The following ATP13A5 variants were observed in gnomAD, a reference collection of about 807,000 sequenced individuals.
The protein encoded by ATP13A5 is ATPase 13A5.
Under a neutral mutation model 150.2 loss-of-function variants are expected in ATP13A5, and 149 were observed. The ratio of observed to expected loss-of-function variants is 0.99; its 90% CI spans 0.87 to 1.14. The LOEUF (loss-of-function observed/expected upper bound fraction) is 1.14. Ranked by LOEUF, ATP13A5 falls within the 50% of genes most tolerant of loss-of-function variation. The probability of loss-of-function intolerance (pLI) is 0.00; values close to 1 mark genes in which losing one functional copy is unlikely to be tolerated. For synonymous variants in ATP13A5, 497 were observed against 522.2 expected (o/e 0.95, Z 0.66); for missense variants, 1,383 against 1,449.3 (o/e 0.95, Z 0.74).
At chr3:193,333,271 A>C (rs915909321) in intron 11 of ATP13A5, among the ~76,000 whole-genome samples, 14 of 151,772 alleles carry the variant, frequency 9.2e-5, no homozygotes, top group African/African-American at 3.4e-4. Context: ...TTTTATTCAC[A>C]ATTTTCTCTT....
chr3:193,335,518 G>A lies in ATP13A5; in HGVS notation c.944-419C>T, dbSNP rs115924675. ...GTTTATTCATTCACCCATTCATTCAGCTATTTTAGGTGCTTATTCTGTTCC... is the reference window on the plus strand; with the variant it reads ...GTTTATTCATTCACCCATTCATTCAACTATTTTAGGTGCTTATTCTGTTCC... On this transcript the variant is annotated intron_variant, in intron 9 of 29. Coordinates refer to ENST00000342358, the MANE Select transcript of ATP13A5 (RefSeq NM_198505.4). Among the ~76,000 whole-genome samples, 1,337 of 152,214 alleles carry A rather than the reference G, an allele frequency of 8.8e-3. 18 individuals are homozygous for A. The highest frequency in any genetic ancestry group is 0.03 in the African/African-American group (1,252 of 41,534).
chr3:193,333,419 CA>C (rs1041592327), intron 11 of ATP13A5, among the ~76,000 whole-genome samples: 21 of 152,136 alleles, frequency 1.4e-4, no homozygotes, highest in Admixed American at 3.9e-4. Context: ...CAGGCTATGA[CA>C]AGGAGCATCC....
intron 21 of ATP13A5, 47 bp downstream of exon 21, chr3:193,310,591 T>G: frequency 7.0e-7 from 1 of 1,429,136 alleles, no homozygotes; most frequent in South Asian, 1.3e-5. Flanking sequence ...GACCCATAGG[T>G]AGCAAGAGTT....
chr3:193,285,603 T>C (rs942268431), intron 26 of ATP13A5, among the ~76,000 whole-genome samples: 16 of 152,142 alleles, frequency 1.1e-4, no homozygotes, highest in Non-Finnish European at 7.4e-5. Context: ...CTCAAACTTC[T>C]CCAACTGGCC....
At position 193,351,142 on chromosome 3, in the gene ATP13A5, A is replaced by G. The variant is rs1369533295; in HGVS notation, c.666T>C (p.Gly222=). Residue 222 remains glycine (G), a synonymous_variant, in exon 7 of 30, where the codon GGT becomes GGC. Transcript: ENST00000342358. ...TGATGGCCACAGAGTATTCTATGTA[A>G]CCTTGAGACAGCCACAAAGTTAGGG... ...AFTLTLWLSQ[G]YIEYSVAIII... is the part of the protein sequence containing the mutation. 1.9e-6 allele frequency: 3 copies of G among 1,613,724 alleles called. No homozygotes were observed. The African/African-American group carries it at 4.0e-5, about 22-fold the overall frequency.
intron 5 of ATP13A5, among the ~76,000 whole-genome samples, chr3:193,358,181 T>A (rs1452205845): frequency 6.6e-6 from 1 of 152,168 alleles, no homozygotes; most frequent in East Asian, 1.9e-4. Context: ...GGCAGGGACG[T>A]CTATAGTTTT....
chr3:193,321,967 G>T, intron 15 of ATP13A5, 130 bp from the exon 16 acceptor site: 1 of 1,083,034 alleles, frequency 9.2e-7, no homozygotes, highest in Non-Finnish European at 1.3e-6. Flanking sequence ...TCACAACATT[G>T]ATTTTGTGTG....
chr3:193,276,836 G>T lies in ATP13A5; in HGVS notation c.3316-6C>A. On this transcript the variant is annotated splice_polypyrimidine_tract_variant and splice_region_variant and intron_variant, in intron 28 of 29. Coordinates refer to ENST00000342358, the MANE Select transcript of ATP13A5 (RefSeq NM_198505.4). ...GATGTTATGGTTGGGATCAACTGTT[G>T]AAAAACAAATACCATTATTATATTT... is the stretch of plus-strand genomic sequence containing the variant. The T allele has an allele frequency of 6.2e-7, 1 of 1,607,274 alleles. No homozygotes were observed. Among genetic ancestry groups the T allele is most frequent in the Non-Finnish European group, 8.5e-7 (1 of 1,174,850 alleles).
intron 7 of ATP13A5, among the ~76,000 whole-genome samples, chr3:193,346,326 T>C (rs1288199667): frequency 6.6e-6 from 1 of 151,958 alleles, no homozygotes; most frequent in East Asian, 1.9e-4. Context: ...GTGGAGAAAA[T>C]GGAAGGAGCC....
intron 12 of ATP13A5, 144 bp from the exon 13 acceptor site, chr3:193,327,201 G>T: frequency 1.4e-6 from 1 of 689,844 alleles, no homozygotes; most frequent in Non-Finnish European, 2.4e-6. Flanking sequence ...TTTTAAATCA[G>T]AGAGGAGTAC....
chr3:193,354,683 C>T (rs2108893904), intron 5 of ATP13A5, among the ~76,000 whole-genome samples: 1 of 152,050 alleles, frequency 6.6e-6, no homozygotes, highest in East Asian at 1.9e-4. Context: ...AGCAAATGAA[C>T]TGGAAGATAT....
At chr3:193,315,347 G>A (rs985325617) in intron 17 of ATP13A5, among the ~76,000 whole-genome samples, 15 of 152,072 alleles carry the variant, frequency 9.9e-5, no homozygotes, top group African/African-American at 3.6e-4. Context: ...TAAAAACAAT[G>A]TGCTTATCTT....
chr3:193,360,570 T>A (rs1261157038), intron 5 of ATP13A5, among the ~76,000 whole-genome samples: 2 of 152,232 alleles, frequency 1.3e-5, no homozygotes, highest in African/African-American at 4.8e-5. Context: ...ACTCCCCAAA[T>A]AACATAAATA....
At chr3:193,345,873 T>A (rs1712315951) in intron 7 of ATP13A5, among the ~76,000 whole-genome samples, 1 of 152,106 alleles carries the variant, frequency 6.6e-6, no homozygotes, top group African/African-American at 2.4e-5. Flanking sequence ...TATGCCTCTG[T>A]CTCCTTGTCT....
intron 2 of ATP13A5, 66 bp downstream of exon 2, chr3:193,364,041 A>G (rs923496): frequency 0.95 from 1,425,008 of 1,505,822 alleles, 674,453 homozygotes; most frequent in East Asian, 0.97. Context: ...CCACAGAGTT[A>G]TGCCACAGAG....
At chr3:193,300,863 C>T (rs544686956) in intron 24 of ATP13A5, among the ~76,000 whole-genome samples, 6 of 152,174 alleles carry the variant, frequency 3.9e-5, no homozygotes, top group East Asian at 1.9e-4. Flanking sequence ...CTTAGTCTTC[C>T]GTTGAAAATA....
At chr3:193,334,660 G>A (rs898289649) in intron 10 of ATP13A5, among the ~76,000 whole-genome samples, 2 of 152,110 alleles carry the variant, frequency 1.3e-5, no homozygotes, top group African/African-American at 2.4e-5. Flanking sequence ...TAGAAGCAGC[G>A]TATGGTCACA....
At chr3:193,314,735 T>G (rs909203576) in intron 18 of ATP13A5, among the ~76,000 whole-genome samples, 1 of 152,184 alleles carries the variant, frequency 6.6e-6, no homozygotes, top group Non-Finnish European at 1.5e-5. Context: ...ACCGCACAGA[T>G]CCTGGCTGGG....
chr3:193,337,645 A>G (rs149183124), intron 9 of ATP13A5, among the ~76,000 whole-genome samples: 2,116 of 152,300 alleles, frequency 0.014, 34 homozygotes, highest in Middle Eastern at 0.054. Flanking sequence ...CTTGTAGTAT[A>G]GTTTGAAGTC....
Sources: gnomAD v4.1 joint callset for allele counts (sites outside exome capture counted in the v4.1 genomes callset) on GRCh38, gnomAD v4.1.1 for gene constraint, MANE v1.5 for transcripts, NCBI Gene and HGNC (gene_info 2026-07-23, HGNC 2026-07-21) for gene names.